Variants in USP32 observed in about 807,000 individuals in gnomAD.
USP32 encodes ubiquitin specific peptidase 32, also known as ubiquitin carboxyl-terminal hydrolase 32.
A neutral mutation model predicts 204.8 loss-of-function variants in USP32; 59 were observed. The ratio of observed to expected loss-of-function variants is 0.29; its 90% CI spans 0.23 to 0.36. The LOEUF is 0.36. USP32 is among the 10% of genes least tolerant of loss of function. The pLI is 1.00. For synonymous variants in USP32, 517 were observed against 678.4 expected, an observed-to-expected ratio of 0.76 and a Z score of 3.70; for missense variants, 1,160 against 1,946.4, an observed-to-expected ratio of 0.60 and a Z score of 7.60.
intron 17 of USP32, among the ~76,000 whole-genome samples, chr17:60,214,329 T>C (rs1037130133): frequency 6.6e-6 from 1 of 152,142 alleles, no homozygotes; most frequent in African/African-American, 2.4e-5. Context: ...GTACTGTCCA[T>C]GGTGATCAAT....
chr17:60,350,451 G>C (rs917813362), intron 1 of USP32, among the ~76,000 whole-genome samples: 1 of 151,980 alleles, frequency 6.6e-6, no homozygotes, highest in Non-Finnish European at 1.5e-5. Context: ...ATAACACCTG[G>C]GTAAGTTTTA....
intron 16 of USP32, among the ~76,000 whole-genome samples, chr17:60,219,142 C>T (rs2085177550): frequency 6.6e-6 from 1 of 152,038 alleles, no homozygotes; most frequent in Admixed American, 6.6e-5. Context: ...TTATGTAAAG[C>T]CTCTTTAGAT....
intron 1 of USP32, among the ~76,000 whole-genome samples, chr17:60,417,829 G>A (rs897698566): frequency 5.3e-5 from 8 of 151,402 alleles, no homozygotes; most frequent in Admixed American, 1.3e-4. Flanking sequence ...TTGCTGTGTC[G>A]CCCAGGCTGG....
At chr17:60,207,458 G>A (rs2084859078) in intron 24 of USP32, among the ~76,000 whole-genome samples, 2 of 152,026 alleles carry the variant, frequency 1.3e-5, no homozygotes, top group Non-Finnish European at 2.9e-5. Flanking sequence ...TCAGTGAGGT[G>A]AGAGTGTGTT....
intron 26 of USP32, among the ~76,000 whole-genome samples, chr17:60,200,044 A>G (rs947724239): frequency 2.6e-5 from 4 of 151,946 alleles, no homozygotes; most frequent in African/African-American, 9.7e-5. Context: ...AAACACAAAA[A>G]TTATCTGGGC....
intron 2 of USP32, among the ~76,000 whole-genome samples, chr17:60,326,434 G>A (rs912445536): frequency 3.3e-5 from 5 of 151,496 alleles, no homozygotes; most frequent in Non-Finnish European, 5.9e-5. Context: ...CCTCAGCCTC[G>A]CAAGTAGCTG....
At chr17:60,249,645 C>G (rs1411444656) in intron 11 of USP32, 1 of 673,352 alleles carries the variant, frequency 1.5e-6, no homozygotes, top group East Asian at 2.8e-5. Flanking sequence ...GAAATGAAAG[C>G]TGCTCCTGGT....
At chr17:60,216,615 A>C (rs1363139483) in intron 16 of USP32, among the ~76,000 whole-genome samples, 1 of 152,408 alleles carries the variant, frequency 6.6e-6, no homozygotes, top group African/African-American at 2.4e-5. Flanking sequence ...CACCTAAAAA[A>C]CAATGACTTC....
chr17:60,219,356 C>T (rs1170487317), intron 16 of USP32, among the ~76,000 whole-genome samples: 1 of 151,990 alleles, frequency 6.6e-6, no homozygotes. Context: ...CATGTAAAAT[C>T]TATTTCTATT....
chr17:60,362,552 C>T (rs1437857398), intron 1 of USP32, among the ~76,000 whole-genome samples: 1 of 152,186 alleles, frequency 6.6e-6, no homozygotes, highest in African/African-American at 2.4e-5. Context: ...CACAGGAAAT[C>T]TGTTGTATAC....
chr17:60,198,201 T>C, intron 27 of USP32, 59 bp downstream of exon 27: 2 of 1,578,264 alleles, frequency 1.3e-6, no homozygotes, highest in East Asian at 2.2e-5. Flanking sequence ...GTAGAATTCA[T>C]ATAGATTATT....
chr17:60,408,635 C>T (rs2089996567), intron 1 of USP32, among the ~76,000 whole-genome samples: 1 of 152,110 alleles, frequency 6.6e-6, no homozygotes, highest in Non-Finnish European at 1.5e-5. Context: ...ACCTCACCCT[C>T]CCAAAGTGCT....
intron 24 of USP32, chr17:60,207,635 T>C (rs1431162648): frequency 1.9e-5 from 3 of 156,756 alleles, no homozygotes; most frequent in Admixed American, 6.4e-5. Context: ...AGACCAAGTA[T>C]ATATATTCAT....
chr17:60,183,232 C>G lies in USP32; in HGVS notation c.4056G>C (p.Gly1352=). The G allele has an allele frequency of 3.1e-6, 5 of 1,613,986 alleles. No individual in the cohort carries two copies. The highest frequency in any genetic ancestry group is 4.2e-6 in the Non-Finnish European group (5 of 1,179,874). The part of the protein sequence containing the change: ...VKKVDAQSSA[G]EEDVLLSKSP... ...TTTTGCTCAGGAGCACGTCCTCTTCCCCAGCCGAACTCTGCGCATCCACTT... is the reference window on the plus strand; with the variant it reads ...TTTTGCTCAGGAGCACGTCCTCTTCGCCAGCCGAACTCTGCGCATCCACTT... The change falls in exon 31 of 34, where the codon GGG becomes GGC. Residue 1352 remains glycine, a synonymous_variant. Coordinates refer to ENST00000300896, the MANE Select transcript of USP32 (RefSeq NM_032582.4).
intron 3 of USP32, among the ~76,000 whole-genome samples, chr17:60,296,120 T>A (rs1406372427): frequency 1.3e-5 from 2 of 152,206 alleles, no homozygotes; most frequent in African/African-American, 2.4e-5. Context: ...TTAATATTTT[T>A]AAAAAATCAA....
intron 6 of USP32, among the ~76,000 whole-genome samples, chr17:60,270,000 C>T (rs2086687661): frequency 6.6e-6 from 1 of 152,068 alleles, no homozygotes; most frequent in Non-Finnish European, 1.5e-5. Context: ...AATAAGCTCC[C>T]ATAAAGCTCT....
chr17:60,241,446 A>AT (rs35836260), intron 11 of USP32, among the ~76,000 whole-genome samples: 31,830 of 152,120 alleles, frequency 0.21, 8,244 homozygotes, highest in African/African-American at 0.61. Context: ...TTTTTTTATA[A>AT]TTTTTTAAAT....
intron 1 of USP32, 117 bp from the exon 2 acceptor site, chr17:60,345,725 T>A: frequency 7.5e-7 from 1 of 1,325,618 alleles, no homozygotes; most frequent in Non-Finnish European, 1.1e-6. Flanking sequence ...CTCACGCCTA[T>A]AATCCCAGTA....
chr17:60,305,201 C>T (rs1327576425), intron 2 of USP32: 1 of 152,236 alleles, frequency 6.6e-6, no homozygotes, highest in East Asian at 1.9e-4. Flanking sequence ...GTTCTGCAGC[C>T]TGTATAAGCA....
Sources: gnomAD v4.1 joint callset for allele counts (sites outside exome capture counted in the v4.1 genomes callset) on GRCh38, gnomAD v4.1.1 for gene constraint, MANE v1.5 for transcripts, NCBI Gene and HGNC (gene_info 2026-07-23, HGNC 2026-07-21) for gene names.